CSMD1: variants seen among roughly 807,000 people sequenced by gnomAD.
The protein encoded by CSMD1 is CUB and sushi domain-containing protein 1.
Under a neutral mutation model 417.5 loss-of-function variants are expected in CSMD1, and 213 were observed. That is an observed-to-expected ratio of 0.51 (90% CI 0.46 to 0.57). The LOEUF is 0.57. CSMD1 is among the 20% of genes least tolerant of loss of function. The pLI is 0.00. For synonymous variants in CSMD1, 2,862 were observed against 1,736.8 expected (o/e 1.65, Z -16.11); for missense variants, 6,923 against 4,529.7 (o/e 1.53, Z -15.17).
At chr8:3,145,331 C>T (rs115902673) in intron 40 of CSMD1, among the ~76,000 whole-genome samples, 240 of 152,270 alleles carry the variant, frequency 1.6e-3, no homozygotes, top group African/African-American at 5.6e-3. Flanking sequence ...GTGCTCACTT[C>T]AGATGCGCAT....
At chr8:3,561,618 C>T (rs1206809486) in intron 10 of CSMD1, among the ~76,000 whole-genome samples, 2 of 152,012 alleles carry the variant, frequency 1.3e-5, no homozygotes, top group Non-Finnish European at 2.9e-5. Flanking sequence ...CTGGTCACTC[C>T]GAAAGTGAGG....
chr8:4,108,488 G>A (rs148766785), intron 3 of CSMD1, among the ~76,000 whole-genome samples: 2 of 152,164 alleles, frequency 1.3e-5, no homozygotes, highest in Non-Finnish European at 2.9e-5. Context: ...AGTGGCAAGT[G>A]ATTGCTCTTA....
chr8:3,875,480 C>G (rs1489566262), intron 5 of CSMD1, among the ~76,000 whole-genome samples: 1 of 151,932 alleles, frequency 6.6e-6, no homozygotes, highest in African/African-American at 2.4e-5. Flanking sequence ...GAACTGGGTT[C>G]CGAGGGTCAC....
At chr8:3,650,110 C>G (rs1797774763) in intron 7 of CSMD1, among the ~76,000 whole-genome samples, 1 of 152,018 alleles carries the variant, frequency 6.6e-6, no homozygotes, top group South Asian at 2.1e-4. Flanking sequence ...GAAACCTTGT[C>G]TCTACTAAAA....
At chr8:3,895,845 C>G (rs545449504) in intron 5 of CSMD1, among the ~76,000 whole-genome samples, 2 of 152,184 alleles carry the variant, frequency 1.3e-5, no homozygotes, top group African/African-American at 4.8e-5. Flanking sequence ...GGCTTGTTCC[C>G]TTCCAGACAA....
At position 4,701,979 on chromosome 8, in the gene CSMD1, G is replaced by A. The variant is rs112724023; in HGVS notation, c.86-64421C>T. On this transcript the variant is annotated intron_variant, in intron 1 of 69. Transcript: ENST00000635120. ...TGCAGGGGCATGGATGGAGCTGGAA[G>A]CCATTATCCTCAGCAAACTAACTCA... is the stretch of plus-strand genomic sequence containing the variant. Among the ~76,000 whole-genome samples the A allele has an allele frequency of 6.4e-3, 981 of 152,242 alleles. 12 individuals are homozygous for A. The highest frequency in any genetic ancestry group is 0.023 in the African/African-American group (936 of 41,546).
intron 3 of CSMD1, among the ~76,000 whole-genome samples, chr8:4,345,770 C>T (rs570156847): frequency 1.3e-5 from 2 of 152,016 alleles, no homozygotes; most frequent in Admixed American, 6.6e-5. Flanking sequence ...ATCTCAACCC[C>T]GTTAAAATGC....
At chr8:4,572,747 G>A (rs1363706222) in intron 2 of CSMD1, among the ~76,000 whole-genome samples, 1 of 152,130 alleles carries the variant, frequency 6.6e-6, no homozygotes, top group African/African-American at 2.4e-5. Flanking sequence ...GTCACTTTCA[G>A]GTCCATCAAT....
intron 3 of CSMD1, among the ~76,000 whole-genome samples, chr8:4,104,803 C>T (rs933713603): frequency 1.3e-5 from 2 of 152,184 alleles, no homozygotes; most frequent in Non-Finnish European, 2.9e-5. Context: ...CTGACCTTTA[C>T]GAAGAGTGTC....
intron 3 of CSMD1, among the ~76,000 whole-genome samples, chr8:4,096,064 A>G (rs61633150): frequency 0.22 from 33,900 of 151,868 alleles, 4,668 homozygotes; most frequent in African/African-American, 0.38. Context: ...TTGTAACTAC[A>G]GTGTTGTTTT....
chr8:4,268,417 C>A (rs1425817215), intron 3 of CSMD1, among the ~76,000 whole-genome samples: 1 of 152,026 alleles, frequency 6.6e-6, no homozygotes, highest in African/African-American at 2.4e-5. Flanking sequence ...GTAGCAGTGA[C>A]CAATTGTTGT....
At chr8:3,999,214 T>A (rs1815465888) in intron 4 of CSMD1, among the ~76,000 whole-genome samples, 1 of 152,048 alleles carries the variant, frequency 6.6e-6, no homozygotes, top group Non-Finnish European at 1.5e-5. Flanking sequence ...TATTTAACAG[T>A]CATTAATTCT....
At chr8:4,358,248 T>C (rs532813076) in intron 3 of CSMD1, among the ~76,000 whole-genome samples, 1 of 152,242 alleles carries the variant, frequency 6.6e-6, no homozygotes, top group Non-Finnish European at 1.5e-5. Flanking sequence ...GTGGGGCTTG[T>C]TGAACTTTTG....
chr8:4,063,688 G>C (rs544503719), intron 3 of CSMD1, among the ~76,000 whole-genome samples: 3 of 152,302 alleles, frequency 2.0e-5, no homozygotes, highest in East Asian at 3.9e-4. Flanking sequence ...GATAAGCATG[G>C]ACCAGGCATG....
intron 6 of CSMD1, among the ~76,000 whole-genome samples, chr8:3,719,335 T>C (rs1163315603): frequency 1.3e-5 from 2 of 152,058 alleles, no homozygotes; most frequent in South Asian, 2.1e-4. Flanking sequence ...ACCCCTGAAA[T>C]GTTCTGAAAT....
At chr8:4,899,695 A>G (rs1280703165) in intron 1 of CSMD1, among the ~76,000 whole-genome samples, 1 of 152,190 alleles carries the variant, frequency 6.6e-6, no homozygotes, top group Non-Finnish European at 1.5e-5. Context: ...TAAAATGTGT[A>G]TAGTTAAAAA....
chr8:4,484,263 CT>C (rs1377677254), intron 2 of CSMD1, among the ~76,000 whole-genome samples: 1 of 150,154 alleles, frequency 6.7e-6, no homozygotes, highest in Non-Finnish European at 1.5e-5. Flanking sequence ...GGATTTTCTT[CT>C]AGGAACAAGG....
At chr8:3,723,527 T>A (rs1322341600) in intron 6 of CSMD1, among the ~76,000 whole-genome samples, 1 of 152,234 alleles carries the variant, frequency 6.6e-6, no homozygotes, top group African/African-American at 2.4e-5. Flanking sequence ...TTAGTCATAT[T>A]TACTTAAAAA....
chr8:3,531,551 T>C (rs982390500), intron 10 of CSMD1, among the ~76,000 whole-genome samples: 2 of 152,188 alleles, frequency 1.3e-5, no homozygotes, highest in African/African-American at 4.8e-5. Flanking sequence ...CCAGAAGTTC[T>C]GGGAGCCCTG....
Sources: allele counts gnomAD v4.1 joint callset (sites outside exome capture counted in the v4.1 genomes callset), GRCh38; gene constraint gnomAD v4.1.1; transcripts MANE v1.5; gene names NCBI Gene and HGNC (gene_info 2026-07-23, HGNC 2026-07-21).